The following PRSS21 variants were observed in gnomAD, a reference collection of about 807,000 sequenced individuals.
PRSS21 encodes the protein serine protease 21.
In PRSS21, 40 loss-of-function variants were observed where a neutral mutation model predicts 31.1. The observed-to-expected ratio is 1.29, with a 90% CI of 1.00 to 1.68. The LOEUF (loss-of-function observed/expected upper bound fraction) is 1.68. Among genes scored for constraint, PRSS21 ranks in the 40% most tolerant of loss-of-function variants. PRSS21 has a pLI of 0.00. For synonymous variants in PRSS21, 186 were observed against 167.7 expected, an observed-to-expected ratio of 1.11 and a Z score of -0.84; for missense variants, 467 against 412.6, an observed-to-expected ratio of 1.13 and a Z score of -1.14.
At chr16:2,819,322 T>C (rs1346710280) in intron 4 of PRSS21, among the ~76,000 whole-genome samples, 1 of 152,156 alleles carries the variant, frequency 6.6e-6, no homozygotes, top group African/African-American at 2.4e-5. Context: ...GCTCCTGGGC[T>C]GCCTCTCCAT....
In PRSS21 at chr16:2,821,578, G is replaced by A. The variant is rs754113251; in HGVS notation, c.918G>A (p.Trp306Ter). 3.3e-5 allele frequency: 53 copies of A among 1,613,632 alleles called. No homozygotes were observed. Among genetic ancestry groups the A allele is most frequent in the Non-Finnish European group, 4.2e-5 (49 of 1,179,932 alleles). The change falls in exon 6 of 6, where the codon TGG becomes TGA. Residue 306 changes from tryptophan to a stop codon, truncating the protein, a stop_gained. Coordinates refer to ENST00000005995, the MANE Select transcript of PRSS21 (RefSeq NM_006799.4). LOFTEE classifies it low-confidence loss of function (END_TRUNC). The part of the protein sequence containing the change: ...SWPLLFFPLL[W>*]ALPLLGPV ...CGCTACTCTTTTTCCCTCTTCTCTGGGCTCTCCCACTCCTGGGGCCGGTCT... is the reference window on the plus strand; with the variant it reads ...CGCTACTCTTTTTCCCTCTTCTCTGAGCTCTCCCACTCCTGGGGCCGGTCT...
Position 2,818,927 on chromosome 16 carries a change from G to C in PRSS21, c.508G>C (p.Asp170His), listed in dbSNP as rs1380558261. The change falls in exon 4 of 6, where the codon GAC (aspartate) becomes CAC (histidine). Residue 170 changes from aspartate (D) to histidine (H), a missense_variant. Transcript: ENST00000005995. ...CACATTTGAGTTTGAGAACCGGACA[G>C]ACTGCTGGGTGACTGGCTGGGGGTA... ...ASTFEFENRT[D>H]CWVTGWGYIK... The C allele has an allele frequency of 6.2e-7, 1 of 1,614,130 alleles. No homozygotes were observed.
chr16:2,820,794 G>A (rs150817791), intron 4 of PRSS21, among the ~76,000 whole-genome samples, 161 bp from the exon 5 acceptor site: 1 of 152,308 alleles, frequency 6.6e-6, no homozygotes, highest in East Asian at 1.9e-4. Flanking sequence ...GCTGCTGAGG[G>A]CCTCTGTTGT....
In PRSS21 at chr16:2,818,911, G is replaced by T. The variant is rs778196828; in HGVS notation, c.492G>T (p.Glu164Asp). 1 of 1,614,226 alleles carries T rather than the reference G, an allele frequency of 6.2e-7. No homozygotes were observed. The highest frequency in any genetic ancestry group is 8.5e-7 in the Non-Finnish European group (1 of 1,180,040). ...QPICLQASTF[E>D]FENRTDCWVT... is the part of the protein sequence containing the mutation. Reference sequence around the variant, plus strand: ...TCTGTCTCCAGGCCTCCACATTTGAGTTTGAGAACCGGACAGACTGCTGGG... The same window carrying T: ...TCTGTCTCCAGGCCTCCACATTTGATTTTGAGAACCGGACAGACTGCTGGG... The change falls in exon 4 of 6, where the codon GAG becomes GAT. Residue 164 changes from glutamate to aspartate, a missense_variant. Coordinates refer to ENST00000005995, the MANE Select transcript of PRSS21 (RefSeq NM_006799.4).
At position 2,817,789 on chromosome 16, in the gene PRSS21, T is replaced by C; in HGVS notation, c.92-12T>C. 1 of 1,547,476 alleles carries C rather than the reference T, an allele frequency of 6.5e-7. No individual in the cohort carries two copies. Among genetic ancestry groups the C allele is most frequent in the Non-Finnish European group, 8.7e-7 (1 of 1,145,490 alleles). On this transcript the variant is annotated splice_polypyrimidine_tract_variant and intron_variant, in intron 2 of 5. Coordinates refer to ENST00000005995, the MANE Select transcript of PRSS21 (RefSeq NM_006799.4). This position sits in a 1 kb window ranked among gnomAD's most constrained non-coding sequence, Gnocchi z 4.2. ...GCCTCCCGCGGCTCAGCAGTTCCTC[T>C]GACCATCCGAGGACCATGCGGCCGA...
chr16:2,817,913 A>G lies in PRSS21; in HGVS notation c.204A>G (p.Gly68=), dbSNP rs1278608538. 9.0e-6 allele frequency: 14 copies of G among 1,549,496 alleles called. No individual in the cohort carries two copies. The Admixed American group carries it at 1.8e-4, about 20-fold the overall frequency. Residue 68 remains glycine (G), a synonymous_variant, in exon 3 of 6, where the codon GGA becomes GGG. Coordinates refer to ENST00000005995, the MANE Select transcript of PRSS21 (RefSeq NM_006799.4). The surrounding 1 kb of genome is among the most constrained non-coding windows in gnomAD (Gnocchi z 4.2). ...SLRLWDSHVC[G]VSLLSHRWAL... is the part of the protein sequence containing the mutation. ...GCCTGTGGGATTCCCACGTATGCGG[A>G]GTGAGCCTGCTCAGCCACCGCTGGG...
At position 2,821,569 on chromosome 16, in the gene PRSS21, T is replaced by C; in HGVS notation, c.909T>C (p.Pro303=). The change falls in exon 6 of 6, where the codon CCT becomes CCC. Residue 303 remains proline, a synonymous_variant. Coordinates refer to ENST00000005995, the MANE Select transcript of PRSS21 (RefSeq NM_006799.4). The stretch of plus-strand genomic sequence containing the variant: ...CCTCCTGGCCGCTACTCTTTTTCCC[T>C]CTTCTCTGGGCTCTCCCACTCCTGG... ...PDPSWPLLFF[P]LLWALPLLGP... 6.2e-7 allele frequency: 1 copy of C among 1,613,948 alleles called. No individual in the cohort carries two copies. Among genetic ancestry groups the C allele is most frequent in the Non-Finnish European group, 8.5e-7 (1 of 1,179,976 alleles).
At position 2,821,001 on chromosome 16, in the gene PRSS21, A is replaced by G; in HGVS notation, c.597A>G (p.Ile199Met). Residue 199 changes from isoleucine (I) to methionine (M), a missense_variant, in exon 5 of 6, where the codon ATA (isoleucine) becomes ATG (methionine). By Grantham distance (10) the Ile-to-Met change is conservative (BLOSUM62 1). Transcript: ENST00000005995. ...HTLQEVQVAI[I>M]NNSMCNHLFL... is the part of the protein sequence containing the mutation. ...TCCAGGAAGTTCAGGTCGCCATCAT[A>G]AACAACTCTATGTGCAACCACCTCT... 6.2e-7 allele frequency: 1 copy of G among 1,614,068 alleles called. No individual in the cohort carries two copies. Among genetic ancestry groups the G allele is most frequent in the Non-Finnish European group, 8.5e-7 (1 of 1,179,984 alleles).
At chr16:2,820,736 G>A (rs928607746) in intron 4 of PRSS21, among the ~76,000 whole-genome samples, 15 of 152,166 alleles carry the variant, frequency 9.9e-5, no homozygotes, top group Non-Finnish European at 1.8e-4. Context: ...GGGAAAGTGC[G>A]GCTGGGGGAG....
rs2069086372 is a variant in PRSS21 at position 2,817,244 on chromosome 16, G to A, written c.-25G>A. 6.7e-7 allele frequency: 1 copy of A among 1,489,232 alleles called. No homozygotes were observed. The highest frequency in any genetic ancestry group is 8.9e-7 in the Non-Finnish European group (1 of 1,127,132). 92.3% of individuals were successfully genotyped at this position (1,489,232 alleles called of 1,614,324 possible). ...CCCGGCGCGAGAGGAGGCAGAGGGGGCGTCAGGCCGCGGGAGAGGAGGCCA... is the reference window on the plus strand; with the variant it reads ...CCCGGCGCGAGAGGAGGCAGAGGGGACGTCAGGCCGCGGGAGAGGAGGCCA... On this transcript the variant is annotated 5_prime_UTR_variant, in exon 1 of 6. Coordinates refer to ENST00000005995, the MANE Select transcript of PRSS21 (RefSeq NM_006799.4). This position sits in a 1 kb window ranked among gnomAD's most constrained non-coding sequence, Gnocchi z 4.2.
rs765223138 is a variant in PRSS21, at chr16:2,818,870, A to T, written c.451A>T (p.Lys151Ter). 1.9e-6 allele frequency: 3 copies of T among 1,614,142 alleles called. No homozygotes were observed. Among genetic ancestry groups the T allele is most frequent in the African/African-American group, 1.3e-5 (1 of 75,044 alleles). Reference sequence around the variant, plus strand: ...GCTGTCTGCACCTGTCACCTACACTAAACACATCCAGCCCATCTGTCTCCA... The same window carrying T: ...GCTGTCTGCACCTGTCACCTACACTTAACACATCCAGCCCATCTGTCTCCA... ...VKLSAPVTYT[K>*]HIQPICLQAS... The change falls in exon 4 of 6, where the codon AAA (lysine) becomes TAA (stop). Residue 151 changes from lysine (K) to a stop codon, truncating the protein, a stop_gained. Transcript: ENST00000005995. LOFTEE classifies it high-confidence loss of function.
In PRSS21 at chr16:2,821,343, ACCT is replaced by A. The variant is rs1271788804; in HGVS notation, c.706-21_706-19del. Reference sequence around the variant, plus strand: ...GCCCCACTCACTCTGCCCCAGGCTGACCTCAGCCCCGCTGCTCCCCAGGGTGAC... The same window carrying A: ...GCCCCACTCACTCTGCCCCAGGCTGACAGCCCCGCTGCTCCCCAGGGTGAC... On this transcript the variant is annotated intron_variant, in intron 5 of 5. Coordinates refer to ENST00000005995, the MANE Select transcript of PRSS21 (RefSeq NM_006799.4). 6.2e-7 allele frequency: 1 copy of A among 1,612,758 alleles called. No homozygotes were observed. Among genetic ancestry groups the A allele is most frequent in the African/African-American group, 1.3e-5 (1 of 74,866 alleles).
At position 2,817,430 on chromosome 16, in the gene PRSS21, A is replaced by G. The variant is rs1201366557; in HGVS notation, c.65A>G (p.Glu22Gly). Residue 22 changes from glutamate to glycine, a missense_variant and splice_region_variant, in exon 2 of 6, where the codon GAG becomes GGG. Physicochemically the swap from Glu to Gly is moderately conservative, Grantham distance 98 (BLOSUM62 -2). Transcript: ENST00000005995. The surrounding 1 kb of genome is among the most constrained non-coding windows in gnomAD (Gnocchi z 4.2). The stretch of plus-strand genomic sequence containing the variant: ...GGGAGTCACTTCTTGTCTCCCGCAG[A>G]GTCGCAGGAGGCGGCGCCGTTATCA... ...LLARAGLRKP[E>G]SQEAAPLSGP... 6 of 1,571,684 alleles carry G rather than the reference A, an allele frequency of 3.8e-6. No individual in the cohort carries two copies. Among genetic ancestry groups the G allele is most frequent in the Non-Finnish European group, 5.2e-6 (6 of 1,163,232 alleles).
Position 2,817,418 on chromosome 16 carries a change from T to C in PRSS21, c.65-12T>C. 6.3e-7 allele frequency: 1 copy of C among 1,596,416 alleles called. No individual in the cohort carries two copies. The highest frequency in any genetic ancestry group is 8.5e-7 in the Non-Finnish European group (1 of 1,176,134). On this transcript the variant is annotated splice_polypyrimidine_tract_variant and intron_variant, in intron 1 of 5. Coordinates refer to ENST00000005995, the MANE Select transcript of PRSS21 (RefSeq NM_006799.4). The surrounding 1 kb of genome is among the most constrained non-coding windows in gnomAD (Gnocchi z 4.2). Reference sequence around the variant, plus strand: ...GTGGAGGCCGCGGGGAGTCACTTCTTGTCTCCCGCAGAGTCGCAGGAGGCG... The same window carrying C: ...GTGGAGGCCGCGGGGAGTCACTTCTCGTCTCCCGCAGAGTCGCAGGAGGCG...
chr16:2,821,438 G>A lies in PRSS21; in HGVS notation c.778G>A (p.Val260Met). The part of the protein sequence containing the change: ...WYQIGVVSWG[V>M]GCGRPNRPGV... Reference sequence around the variant, plus strand: ...TCAGATTGGAGTCGTGAGCTGGGGAGTGGGCTGTGGTCGGCCCAATCGGCC... The same window carrying A: ...TCAGATTGGAGTCGTGAGCTGGGGAATGGGCTGTGGTCGGCCCAATCGGCC... The change falls in exon 6 of 6, where the codon GTG becomes ATG. Residue 260 changes from valine to methionine, a missense_variant. Transcript: ENST00000005995. 6.2e-7 allele frequency: 1 copy of A among 1,614,252 alleles called. No individual in the cohort carries two copies. The highest frequency in any genetic ancestry group is 8.5e-7 in the Non-Finnish European group (1 of 1,180,038).
chr16:2,817,343 G>A lies in PRSS21; in HGVS notation c.64+11G>A. ...GACTCAGGAAGCCGGGTGAGCTCGGGGCGCTGCTGGCGGGATGGGGAGGCG... is the reference window on the plus strand; with the variant it reads ...GACTCAGGAAGCCGGGTGAGCTCGGAGCGCTGCTGGCGGGATGGGGAGGCG... On this transcript the variant is annotated intron_variant, in intron 1 of 5. Coordinates refer to ENST00000005995, the MANE Select transcript of PRSS21 (RefSeq NM_006799.4). This position sits in a 1 kb window ranked among gnomAD's most constrained non-coding sequence, Gnocchi z 4.2. 6.4e-7 allele frequency: 1 copy of A among 1,562,504 alleles called. No individual in the cohort carries two copies. The highest frequency in any genetic ancestry group is 8.6e-7 in the Non-Finnish European group (1 of 1,158,034).
chr16:2,820,148 G>A (rs984105273), intron 4 of PRSS21, among the ~76,000 whole-genome samples: 23 of 152,228 alleles, frequency 1.5e-4, no homozygotes, highest in African/African-American at 3.9e-4. Context: ...TGTGCCCTGC[G>A]CGGGCTGGGA....
rs547150834 is a variant in PRSS21, at chr16:2,817,761, G to A, written c.92-40G>A. On this transcript the variant is annotated intron_variant, in intron 2 of 5. Coordinates refer to ENST00000005995, the MANE Select transcript of PRSS21 (RefSeq NM_006799.4). This position sits in a 1 kb window ranked among gnomAD's most constrained non-coding sequence, Gnocchi z 4.2. ...GAAAGGGAGAGGTCGGGCTTGGGGG[G>A]CTGCCTCCCGCGGCTCAGCAGTTCC... 1.5e-4 allele frequency: 233 copies of A among 1,538,426 alleles called. 2 individuals carry two copies. The South Asian group carries it at 2.6e-3, about 17-fold the overall frequency.
Position 2,821,065 on chromosome 16 carries a change from A to C in PRSS21, c.661A>C (p.Met221Leu), listed in dbSNP as rs548395654. The C allele has an allele frequency of 3.1e-6, 5 of 1,614,136 alleles. No homozygotes were observed. The highest frequency in any genetic ancestry group is 1.6e-4 in the Middle Eastern group (1 of 6,062). ...YSFRKDIFGD[M>L]VCAGNAQGGK... ...TTTCCGCAAGGACATCTTTGGAGAC[A>C]TGGTTTGTGCTGGCAATGCCCAAGG... The change falls in exon 5 of 6, where the codon ATG (methionine) becomes CTG (leucine). Residue 221 changes from methionine to leucine, a missense_variant. Coordinates refer to ENST00000005995, the MANE Select transcript of PRSS21 (RefSeq NM_006799.4).
Sources: gnomAD v4.1 joint callset for allele counts (sites outside exome capture counted in the v4.1 genomes callset) on GRCh38, gnomAD v4.1.1 for gene constraint, Gnocchi (gnomAD v3.1) non-coding constraint, MANE v1.5 for transcripts, NCBI Gene and HGNC (gene_info 2026-07-23, HGNC 2026-07-21) for gene names.